MTUS2: variants seen among roughly 807,000 people sequenced by gnomAD.
MTUS2 encodes microtubule associated scaffold protein 2, also known as microtubule-associated tumor suppressor candidate 2.
MTUS2 carries 40 observed loss-of-function variants against 114.1 expected under a neutral mutation model. That is an observed-to-expected ratio of 0.35 (90% CI 0.27 to 0.46). The LOEUF (loss-of-function observed/expected upper bound fraction) is 0.46. Among genes scored for constraint, MTUS2 ranks in the 20% least tolerant of loss-of-function variants. The pLI is 1.00. For synonymous variants in MTUS2, 688 were observed against 672.0 expected (o/e 1.02, Z -0.37); for missense variants, 1,679 against 1,705.4 (o/e 0.98, Z 0.27).
intron 5 of MTUS2, among the ~76,000 whole-genome samples, chr13:29,223,437 G>A (rs1895986086): frequency 6.6e-6 from 1 of 151,950 alleles, no homozygotes; most frequent in Non-Finnish European, 1.5e-5. Context: ...TGAGAGCTGA[G>A]TAGACTTCAG....
chr13:29,260,573 G>A (rs1897433791), intron 5 of MTUS2, among the ~76,000 whole-genome samples: 1 of 152,204 alleles, frequency 6.6e-6, no homozygotes, highest in South Asian at 2.1e-4. Flanking sequence ...AAACATGGTT[G>A]AATATTGAAA....
intron 8 of MTUS2, among the ~76,000 whole-genome samples, chr13:29,391,549 A>G (rs963277962): frequency 3.3e-5 from 5 of 150,240 alleles, no homozygotes; most frequent in African/African-American, 9.7e-5. Flanking sequence ...TTCAGGGGCA[A>G]TATCTCAGAA....
chr13:29,138,920 A>T (rs1437994395), intron 5 of MTUS2, among the ~76,000 whole-genome samples: 2 of 152,164 alleles, frequency 1.3e-5, no homozygotes, highest in African/African-American at 4.8e-5. Context: ...AGTCATTTTA[A>T]TTTTTTAAGA....
intron 6 of MTUS2, among the ~76,000 whole-genome samples, chr13:29,288,877 G>C (rs9508336): frequency 0.62 from 93,581 of 152,076 alleles, 29,037 homozygotes; most frequent in East Asian, 0.85. Context: ...AGCGTTTCAC[G>C]TGCTGCATTT....
intron 5 of MTUS2, among the ~76,000 whole-genome samples, chr13:29,206,179 G>T (rs1349999847): frequency 6.6e-6 from 1 of 152,036 alleles, no homozygotes; most frequent in Non-Finnish European, 1.5e-5. Flanking sequence ...GAACATTTTT[G>T]CATATGTTTG....
chr13:28,993,480 A>G (rs909981946), intron 2 of MTUS2, among the ~76,000 whole-genome samples: 2 of 152,150 alleles, frequency 1.3e-5, no homozygotes, highest in Admixed American at 1.3e-4. Flanking sequence ...TCTTTAGTTT[A>G]ATTAGGTCCC....
intron 1 of MTUS2, among the ~76,000 whole-genome samples, chr13:28,831,222 G>A (rs938084866): frequency 4.6e-5 from 7 of 152,224 alleles, no homozygotes; most frequent in African/African-American, 1.7e-4. Context: ...GGGCAGTAGT[G>A]GAGGAACAAA....
chr13:29,349,529 T>C (rs933099268), intron 7 of MTUS2, among the ~76,000 whole-genome samples: 3 of 137,354 alleles, frequency 2.2e-5, no homozygotes, highest in African/African-American at 8.2e-5. Context: ...GTATCATTTT[T>C]CTTCTGCCTG....
chr13:29,412,907 C>T (rs753775575), intron 8 of MTUS2, among the ~76,000 whole-genome samples: 10 of 152,096 alleles, frequency 6.6e-5, no homozygotes, highest in Non-Finnish European at 1.3e-4. Context: ...TCCACTTTCT[C>T]GTCTTTACCA....
intron 5 of MTUS2, among the ~76,000 whole-genome samples, chr13:29,159,858 A>C: frequency 6.6e-6 from 1 of 152,242 alleles, no homozygotes; most frequent in East Asian, 1.9e-4. Flanking sequence ...GCAGGTGAGA[A>C]TGTGGAAAAA....
At chr13:29,060,543 CTTTTT>C (rs1162860492) in intron 4 of MTUS2, among the ~76,000 whole-genome samples, 1 of 101,210 alleles carries the variant, frequency 9.9e-6, no homozygotes, top group Non-Finnish European at 2.0e-5. Context: ...CCTAGCCCTT[CTTTTT>C]TTTTTTTTTT....
At chr13:29,279,227 C>A (rs996303447) in intron 5 of MTUS2, among the ~76,000 whole-genome samples, 3 of 152,028 alleles carry the variant, frequency 2.0e-5, no homozygotes, top group African/African-American at 7.3e-5. Flanking sequence ...GTATTCAAAC[C>A]CTAGCCATCT....
At chr13:29,082,906 T>C (rs924269658) in intron 4 of MTUS2, among the ~76,000 whole-genome samples, 5 of 152,104 alleles carry the variant, frequency 3.3e-5, no homozygotes, top group African/African-American at 4.8e-5. Context: ...CTAAAGCTTT[T>C]ATAGTGAGGA....
chr13:29,309,427 G>C (rs897470733), intron 6 of MTUS2, among the ~76,000 whole-genome samples: 1 of 152,050 alleles, frequency 6.6e-6, no homozygotes, highest in Non-Finnish European at 1.5e-5. Flanking sequence ...TGGGGCCTGT[G>C]GGGTGGAGGA....
intron 5 of MTUS2, among the ~76,000 whole-genome samples, chr13:29,192,692 T>C (rs1274747167): frequency 6.6e-6 from 1 of 152,184 alleles, no homozygotes; most frequent in African/African-American, 2.4e-5. Flanking sequence ...TTTCTTAAAG[T>C]TAAAAAAACT....
intron 2 of MTUS2, among the ~76,000 whole-genome samples, chr13:28,876,463 C>G (rs1328713670): frequency 6.6e-6 from 1 of 152,206 alleles, no homozygotes; most frequent in East Asian, 1.9e-4. Context: ...TCCTGGCTCT[C>G]TTCTCCACAT....
intron 5 of MTUS2, among the ~76,000 whole-genome samples, chr13:29,266,819 C>T (rs1438675280): frequency 2.6e-5 from 4 of 152,096 alleles, no homozygotes; most frequent in East Asian, 1.9e-4. Flanking sequence ...GGACAGCGGA[C>T]GTCTCAAGCA....
At chr13:29,292,822 A>G (rs1175910791) in intron 6 of MTUS2, among the ~76,000 whole-genome samples, 2 of 152,200 alleles carry the variant, frequency 1.3e-5, no homozygotes, top group Admixed American at 6.5e-5. Flanking sequence ...GAGAAGCATG[A>G]CAAAACTAGG....
chr13:28,861,444 T>TG (rs1382280251), intron 2 of MTUS2, among the ~76,000 whole-genome samples: 2 of 151,024 alleles, frequency 1.3e-5, no homozygotes, highest in Non-Finnish European at 3.0e-5. Flanking sequence ...TTTTTCTTTT[T>TG]TTTTTTTTTT....
Sources: gnomAD v4.1 joint callset for allele counts (sites outside exome capture counted in the v4.1 genomes callset) on GRCh38, gnomAD v4.1.1 for gene constraint, MANE v1.5 for transcripts, NCBI Gene and HGNC (gene_info 2026-07-23, HGNC 2026-07-21) for gene names.